Variants in RPP25 observed in about 807,000 individuals in gnomAD.
The protein encoded by RPP25 is ribonuclease P protein subunit p25.
A neutral mutation model predicts 4.4 loss-of-function variants in RPP25; 2 were observed. The observed-to-expected ratio is 0.45, with a 90% CI of 0.19 to 1.43. The LOEUF is 1.43. Among genes scored for constraint, RPP25 ranks in the 40% most tolerant of loss-of-function variants. The pLI is 0.26. For missense variants in RPP25, 319 were observed against 293.8 expected, an observed-to-expected ratio of 1.09 and a Z score of -0.63; for synonymous variants, 144 against 136.2, an observed-to-expected ratio of 1.06 and a Z score of -0.40.
Position 74,956,217 on chromosome 15 carries a change from C to G in RPP25, c.367G>C (p.Ala123Pro), listed in dbSNP as rs2065469644. 2 of 1,562,596 alleles carry G rather than the reference C, an allele frequency of 1.3e-6. No individual in the cohort carries two copies. The highest frequency in any genetic ancestry group is 2.0e-5 in the Admixed American group (1 of 51,246). The change falls in exon 1 of 1, where the codon GCC becomes CCC. Residue 123 changes from alanine (A) to proline (P), a missense_variant. By Grantham distance (27) the Ala-to-Pro change is conservative. Transcript: ENST00000322177. ...PTQGQTPGEPAASLSVLKNVP... is the reference protein window; with the variant it reads ...PTQGQTPGEPPASLSVLKNVP... ...TTCTTAAGTACGCTGAGACTAGCGGCCGGCTCGCCAGGCGTCTGACCCTGC... is the reference window on the plus strand; with the variant it reads ...TTCTTAAGTACGCTGAGACTAGCGGGCGGCTCGCCAGGCGTCTGACCCTGC...
At position 74,955,904 on chromosome 15, in the gene RPP25, G is replaced by C; in HGVS notation, c.*80C>G. 1.3e-6 allele frequency: 2 copies of C among 1,571,806 alleles called. No individual in the cohort carries two copies. The highest frequency in any genetic ancestry group is 1.2e-5 in the South Asian group (1 of 86,194). ...GTTGTGGGCTCCGGAGGACCGAGGA[G>C]TGAAAGGCTGGAGGTACATCTGAAG... On this transcript the variant is annotated 3_prime_UTR_variant, in exon 1 of 1. Transcript: ENST00000322177.
rs377673698 is a variant in RPP25, at chr15:74,956,144, C to T, written c.440G>A (p.Arg147Gln). Residue 147 changes from arginine (R) to glutamine (Q), a missense_variant, in exon 1 of 1, where the codon CGA becomes CAA. Transcript: ENST00000322177. ...ILLSKDALDP[R>Q]QPGYQPPNPH... is the part of the protein sequence containing the mutation. ...ATTCGGGGGCTGGTAGCCGGGCTGTCGCGGATCCAGCGCGTCCTTGGAAAG... is the reference window on the plus strand; with the variant it reads ...ATTCGGGGGCTGGTAGCCGGGCTGTTGCGGATCCAGCGCGTCCTTGGAAAG... 6.2e-7 allele frequency: 1 copy of T among 1,603,030 alleles called. No homozygotes were observed. Among genetic ancestry groups the T allele is most frequent in the Admixed American group, 1.7e-5 (1 of 57,956 alleles).
Position 74,955,593 on chromosome 15 carries a change from C to T in RPP25, c.*391G>A, listed in dbSNP as rs1183841248. 9.0e-6 allele frequency: 2 copies of T among 223,298 alleles called. No individual in the cohort carries two copies. The highest frequency in any genetic ancestry group is 1.8e-5 in the Non-Finnish European group (2 of 111,408). The allele number at this position is 223,298 out of a possible 1,614,324, so 13.8% of individuals were successfully genotyped here. ...CCTCTGTCAACGGTGGGGGTGATTC[C>T]AATAACTCTTCTCAGCTTCCATACT... is the stretch of plus-strand genomic sequence containing the variant. On this transcript the variant is annotated 3_prime_UTR_variant, in exon 1 of 1. Coordinates refer to ENST00000322177, the MANE Select transcript of RPP25 (RefSeq NM_017793.3).
chr15:74,956,138 G>C lies in RPP25; in HGVS notation c.446C>G (p.Pro149Arg). The stretch of plus-strand genomic sequence containing the variant: ...ATGGGGATTCGGGGGCTGGTAGCCG[G>C]GCTGTCGCGGATCCAGCGCGTCCTT... ...LSKDALDPRQ[P>R]GYQPPNPHPG... Residue 149 changes from proline (P) to arginine (R), a missense_variant, in exon 1 of 1, where the codon CCC becomes CGC. Pro to Arg is a moderately radical substitution (Grantham distance 103). Coordinates refer to ENST00000322177, the MANE Select transcript of RPP25 (RefSeq NM_017793.3). The C allele has an allele frequency of 6.2e-7, 1 of 1,604,298 alleles. No homozygotes were observed. The highest frequency in any genetic ancestry group is 8.5e-7 in the Non-Finnish European group (1 of 1,176,620).
chr15:74,956,012 C>T lies in RPP25; in HGVS notation c.572G>A (p.Gly191Glu). The change falls in exon 1 of 1, where the codon GGG becomes GAG. Residue 191 changes from glycine to glutamate, a missense_variant. Coordinates refer to ENST00000322177, the MANE Select transcript of RPP25 (RefSeq NM_017793.3). The part of the protein sequence containing the change: ...GSAKRSQPEP[G>E]VADEDQTA Reference sequence around the variant, plus strand: ...GGCCGTCTGATCCTCGTCCGCAACCCCTGGCTCGGGTTGCGATCGCTTCGC... The same window carrying T: ...GGCCGTCTGATCCTCGTCCGCAACCTCTGGCTCGGGTTGCGATCGCTTCGC... 1.9e-6 allele frequency: 3 copies of T among 1,612,632 alleles called. No individual in the cohort carries two copies. Among genetic ancestry groups the T allele is most frequent in the Non-Finnish European group, 1.7e-6 (2 of 1,179,830 alleles).
rs554461275 is a variant in RPP25 at position 74,955,871 on chromosome 15, G to A, written c.*113C>T. The A allele has an allele frequency of 2.4e-4, 343 of 1,417,386 alleles. 1 individual carries two copies. The African/African-American group carries it at 4.3e-3, about 18-fold the overall frequency. The allele number at this position is 1,417,386 out of a possible 1,614,324, so 87.8% of individuals were successfully genotyped here. On this transcript the variant is annotated 3_prime_UTR_variant, in exon 1 of 1. Transcript: ENST00000322177. Reference sequence around the variant, plus strand: ...TCCATGCTACCTGTCTTGAGGAGCTGTGTCCAGGTTGTGGGCTCCGGAGGA... The same window carrying A: ...TCCATGCTACCTGTCTTGAGGAGCTATGTCCAGGTTGTGGGCTCCGGAGGA...
rs746864831 is a variant in RPP25 at position 74,956,042 on chromosome 15, C to G, written c.542G>C (p.Gly181Ala). 3 of 1,611,610 alleles carry G rather than the reference C, an allele frequency of 1.9e-6. No homozygotes were observed. Among genetic ancestry groups the G allele is most frequent in the Non-Finnish European group, 2.5e-6 (3 of 1,179,474 alleles). Reference protein sequence around the residue: ...RSLGEPAAGEGSAKRSQPEPG... With the variant: ...RSLGEPAAGEASAKRSQPEPG... ...CTCGGGTTGCGATCGCTTCGCGGAG[C>G]CTTCTCCAGCTGCGGGTTCCCCTAG... The change falls in exon 1 of 1, where the codon GGC becomes GCC. Residue 181 changes from glycine (G) to alanine (A), a missense_variant. By Grantham distance (60) the Gly-to-Ala change is moderately conservative. Coordinates refer to ENST00000322177, the MANE Select transcript of RPP25 (RefSeq NM_017793.3).
rs1449742478 is a variant in RPP25 at position 74,956,725 on chromosome 15, G to A, written c.-142C>T. ...AGACGCCGGCGGGCGGGCTGGGACGGCGCGATCTCGGCCCCACTTCTCTCG... is the reference window on the plus strand; with the variant it reads ...AGACGCCGGCGGGCGGGCTGGGACGACGCGATCTCGGCCCCACTTCTCTCG... On this transcript the variant is annotated 5_prime_UTR_variant, in exon 1 of 1. Transcript: ENST00000322177. The A allele has an allele frequency of 2.1e-6, 2 of 972,784 alleles. No homozygotes were observed. Among genetic ancestry groups the A allele is most frequent in the Non-Finnish European group, 2.7e-6 (2 of 733,022 alleles). The allele number at this position is 972,784 out of a possible 1,614,324, so 60.3% of individuals were successfully genotyped here. A position where few individuals can be genotyped will look rare whatever the true frequency, so the allele number is the denominator to read the frequency against.
chr15:74,956,031 G>A lies in RPP25; in HGVS notation c.553C>T (p.Arg185Ter), dbSNP rs1182270046. ...GCAACCCCTGGCTCGGGTTGCGATCGCTTCGCGGAGCCTTCTCCAGCTGCG... is the reference window on the plus strand; with the variant it reads ...GCAACCCCTGGCTCGGGTTGCGATCACTTCGCGGAGCCTTCTCCAGCTGCG... ...EPAAGEGSAK[R>*]SQPEPGVADE... is the part of the protein sequence containing the mutation. Residue 185 changes from arginine to a stop codon, truncating the protein, a stop_gained, in exon 1 of 1, where the codon CGA becomes TGA. Coordinates refer to ENST00000322177, the MANE Select transcript of RPP25 (RefSeq NM_017793.3). LOFTEE classifies it high-confidence loss of function. 1.2e-6 allele frequency: 2 copies of A among 1,611,856 alleles called. No individual in the cohort carries two copies. The highest frequency in any genetic ancestry group is 3.3e-5 in the Admixed American group (2 of 59,844).
rs541163677 is a variant in RPP25, at chr15:74,956,660, C to T, written c.-77G>A. 1.3e-4 allele frequency: 185 copies of T among 1,371,638 alleles called. No homozygotes were observed. In the African/African-American group the frequency reaches 2.6e-3, roughly 19 times the overall value. 85.0% of individuals were successfully genotyped at this position (1,371,638 alleles called of 1,614,324 possible). A position where few individuals can be genotyped will look rare whatever the true frequency, so the allele number is the denominator to read the frequency against. ...GGGGCTGCATGGCCGCCGGTCGCGC[C>T]TTGCAAGGGCCAGCAGGGGTAAGGG... On this transcript the variant is annotated 5_prime_UTR_variant, in exon 1 of 1. Coordinates refer to ENST00000322177, the MANE Select transcript of RPP25 (RefSeq NM_017793.3).
rs971500723 is a variant in RPP25, at chr15:74,956,727, G to A, written c.-144C>T. The A allele has an allele frequency of 7.4e-6, 7 of 949,336 alleles. No individual in the cohort carries two copies. The African/African-American group carries it at 8.7e-5, about 12-fold the overall frequency. 58.8% of individuals were successfully genotyped at this position (949,336 alleles called of 1,614,324 possible). A position where few individuals can be genotyped will look rare whatever the true frequency, so the allele number is the denominator to read the frequency against. On this transcript the variant is annotated 5_prime_UTR_variant, in exon 1 of 1. Coordinates refer to ENST00000322177, the MANE Select transcript of RPP25 (RefSeq NM_017793.3). The stretch of plus-strand genomic sequence containing the variant: ...ACGCCGGCGGGCGGGCTGGGACGGC[G>A]CGATCTCGGCCCCACTTCTCTCGAG...
chr15:74,956,443 C>A lies in RPP25; in HGVS notation c.141G>T (p.Arg47=), dbSNP rs765298273. 5.0e-6 allele frequency: 8 copies of A among 1,586,684 alleles called. No individual in the cohort carries two copies. The South Asian group carries it at 9.1e-5, about 18-fold the overall frequency. ...HMRVKEGSKI[R]NLMAFATASM... ...TGGCGGTGGCGAAGGCCATCAGGTT[C>A]CGGATCTTGCTGCCTTCCTTGACCC... Residue 47 remains arginine (R), a synonymous_variant, in exon 1 of 1, where the codon CGG becomes CGT. Transcript: ENST00000322177.
At position 74,954,455 on chromosome 15, in the gene RPP25, G is replaced by C. The variant is rs923900619; in HGVS notation, c.*1529C>G. 1.3e-5 allele frequency: 2 copies of C among 152,270 alleles called. No homozygotes were observed. The highest frequency in any genetic ancestry group is 2.9e-5 in the Non-Finnish European group (2 of 68,068). The allele number at this position is 152,270 out of a possible 1,614,324, so 9.4% of individuals were successfully genotyped here. ...CAGGATTTATTTCAGGGTTCTGCCA[G>C]CAAAATGACTTATAAATACATTCTT... is the stretch of plus-strand genomic sequence containing the variant. On this transcript the variant is annotated 3_prime_UTR_variant, in exon 1 of 1. Coordinates refer to ENST00000322177, the MANE Select transcript of RPP25 (RefSeq NM_017793.3).
Position 74,956,649 on chromosome 15 carries a change from G to C in RPP25, c.-66C>G, listed in dbSNP as rs934274426. 23 of 1,374,346 alleles carry C rather than the reference G, an allele frequency of 1.7e-5. No individual in the cohort carries two copies. Among genetic ancestry groups the C allele is most frequent in the Non-Finnish European group, 2.1e-5 (23 of 1,071,308 alleles). 85.1% of individuals were successfully genotyped at this position (1,374,346 alleles called of 1,614,324 possible). ...GCCTCAGCCCCGGGGCTGCATGGCC[G>C]CCGGTCGCGCCTTGCAAGGGCCAGC... On this transcript the variant is annotated 5_prime_UTR_variant, in exon 1 of 1. Transcript: ENST00000322177.
rs749915622 is a variant in RPP25, at chr15:74,955,945, G to T, written c.*39C>A. ...ACATCTGAAGGTGGAGGCGCTGGCG[G>T]AAGATCCTGCCGGACTAGGTGGCCC... is the stretch of plus-strand genomic sequence containing the variant. On this transcript the variant is annotated 3_prime_UTR_variant, in exon 1 of 1. Coordinates refer to ENST00000322177, the MANE Select transcript of RPP25 (RefSeq NM_017793.3). 1 of 1,610,246 alleles carries T rather than the reference G, an allele frequency of 6.2e-7. No individual in the cohort carries two copies. Among genetic ancestry groups the T allele is most frequent in the South Asian group, 1.1e-5 (1 of 90,610 alleles).
chr15:74,956,727 G>T lies in RPP25; in HGVS notation c.-144C>A. On this transcript the variant is annotated 5_prime_UTR_variant, in exon 1 of 1. Coordinates refer to ENST00000322177, the MANE Select transcript of RPP25 (RefSeq NM_017793.3). Reference sequence around the variant, plus strand: ...ACGCCGGCGGGCGGGCTGGGACGGCGCGATCTCGGCCCCACTTCTCTCGAG... The same window carrying T: ...ACGCCGGCGGGCGGGCTGGGACGGCTCGATCTCGGCCCCACTTCTCTCGAG... 8 of 949,442 alleles carry T rather than the reference G, an allele frequency of 8.4e-6. No individual in the cohort carries two copies. Among genetic ancestry groups the T allele is most frequent in the Non-Finnish European group, 1.1e-5 (8 of 711,796 alleles). 58.8% of individuals were successfully genotyped at this position (949,442 alleles called of 1,614,324 possible).
Position 74,956,762 on chromosome 15 carries a change from C to G in RPP25, c.-179G>C, listed in dbSNP as rs1021900324. On this transcript the variant is annotated 5_prime_UTR_variant, in exon 1 of 1. Coordinates refer to ENST00000322177, the MANE Select transcript of RPP25 (RefSeq NM_017793.3). ...CCCCACTTCTCTCGAGCGGGCGCCG[C>G]TCTACTCAGCGCTCTCGGCGCCGGG... 1.8e-5 allele frequency: 12 copies of G among 672,422 alleles called. No individual in the cohort carries two copies. Among genetic ancestry groups the G allele is most frequent in the Non-Finnish European group, 2.6e-5 (12 of 466,414 alleles). The allele number at this position is 672,422 out of a possible 1,614,324, so 41.7% of individuals were successfully genotyped here. A position where few individuals can be genotyped will look rare whatever the true frequency, so the allele number is the denominator to read the frequency against.
In RPP25 at chr15:74,956,242, C is replaced by G; in HGVS notation, c.342G>C (p.Thr114=). 6.4e-7 allele frequency: 1 copy of G among 1,572,778 alleles called. No individual in the cohort carries two copies. Among genetic ancestry groups the G allele is most frequent in the Non-Finnish European group, 8.6e-7 (1 of 1,159,218 alleles). The change falls in exon 1 of 1, where the codon ACG becomes ACC. Residue 114 remains threonine (T), a synonymous_variant. Coordinates refer to ENST00000322177, the MANE Select transcript of RPP25 (RefSeq NM_017793.3). ...EVWQSLPPGP[T]QGQTPGEPAA... is the part of the protein sequence containing the mutation. ...CCGGCTCGCCAGGCGTCTGACCCTG[C>G]GTGGGCCCAGGCGGGAGGCTCTGCC... is the stretch of plus-strand genomic sequence containing the variant.
chr15:74,956,757 C>T lies in RPP25; in HGVS notation c.-174G>A. The T allele has an allele frequency of 2.8e-6, 2 of 713,958 alleles. No homozygotes were observed. The highest frequency in any genetic ancestry group is 4.1e-5 in the South Asian group (1 of 24,302). 44.2% of individuals were successfully genotyped at this position (713,958 alleles called of 1,614,324 possible). A position where few individuals can be genotyped will look rare whatever the true frequency, so the allele number is the denominator to read the frequency against. On this transcript the variant is annotated 5_prime_UTR_variant, in exon 1 of 1. Transcript: ENST00000322177. ...CTCGGCCCCACTTCTCTCGAGCGGG[C>T]GCCGCTCTACTCAGCGCTCTCGGCG...
Sources: gnomAD v4.1 joint callset for allele counts on GRCh38, gnomAD v4.1.1 for gene constraint, MANE v1.5 for transcripts, NCBI Gene and HGNC (gene_info 2026-07-23, HGNC 2026-07-21) for gene names.